The following TXLNB variants were observed in gnomAD, a reference collection of about 807,000 sequenced individuals.
TXLNB encodes taxilin beta.
Under a neutral mutation model 57.4 loss-of-function variants are expected in TXLNB, and 37 were observed. The observed-to-expected ratio is 0.64, with a 90% confidence interval of 0.50 to 0.85. The LOEUF is 0.85. TXLNB is among the 40% of genes least tolerant of loss of function. TXLNB has a pLI of 0.00. For synonymous variants in TXLNB, 302 were observed against 309.6 expected (o/e 0.98, Z 0.26); for missense variants, 848 against 825.6 (o/e 1.03, Z -0.33).
Position 139,260,441 on chromosome 6 carries a change from A to G in TXLNB, c.883-4T>C. 1.2e-6 allele frequency: 2 copies of G among 1,612,602 alleles called. No homozygotes were observed. Among genetic ancestry groups the G allele is most frequent in the Non-Finnish European group, 1.7e-6 (2 of 1,179,654 alleles). On this transcript the variant is annotated splice_polypyrimidine_tract_variant and splice_region_variant and intron_variant, in intron 5 of 9. Transcript: ENST00000358430. ...GTTTAAATATTTTGTCCAGATGCTAAGAAAAATAAAGTGTACATAGAAAGC... is the reference window on the plus strand; with the variant it reads ...GTTTAAATATTTTGTCCAGATGCTAGGAAAAATAAAGTGTACATAGAAAGC...
chr6:139,299,250 C>T, the TXLNB span, among the ~76,000 whole-genome samples: 22 of 152,142 alleles, frequency 1.4e-4, 1 homozygote, highest in Non-Finnish European at 7.3e-5. Flanking sequence ...GAATATTCAA[C>T]AACCCTGGGA....
the TXLNB span, among the ~76,000 whole-genome samples, chr6:139,196,105 G>T: frequency 2.8e-4 from 42 of 152,002 alleles, no homozygotes; most frequent in African/African-American, 1.0e-3. Context: ...GGGAGGAAAG[G>T]GTGAGATAAG....
In TXLNB at chr6:139,242,698, G is replaced by A. The variant is rs746087786; in HGVS notation, c.1883C>T (p.Ala628Val). 15 of 1,611,382 alleles carry A rather than the reference G, an allele frequency of 9.3e-6. No homozygotes were observed. The highest frequency in any genetic ancestry group is 2.2e-5 in the East Asian group (1 of 44,870). ...PTEASLQKMEADVPAPACAAE... is the reference protein window; with the variant it reads ...PTEASLQKMEVDVPAPACAAE... ...TGCGCATGCTGGAGCAGGCACATCT[G>A]CCTCCATCTTCTGTAGGGAGGCCTC... Residue 628 changes from alanine (A) to valine (V), a missense_variant, in exon 10 of 10, where the codon GCA becomes GTA. Physicochemically the swap from Ala to Val is moderately conservative, Grantham distance 64. Transcript: ENST00000358430.
chr6:139,270,200 C>A (rs1776722193), intron 4 of TXLNB, among the ~76,000 whole-genome samples: 1 of 152,092 alleles, frequency 6.6e-6, no homozygotes, highest in Non-Finnish European at 1.5e-5. Context: ...AGGTACTGTG[C>A]GGGTACCTTA....
chr6:139,161,014 C>T, the TXLNB span, among the ~76,000 whole-genome samples: 1 of 152,228 alleles, frequency 6.6e-6, no homozygotes, highest in Admixed American at 6.5e-5. Context: ...TTCCCTGCTG[C>T]TTTTCCAGTT....
chr6:139,232,501 C>T, the TXLNB span, among the ~76,000 whole-genome samples: 1 of 152,192 alleles, frequency 6.6e-6, no homozygotes, highest in Non-Finnish European at 1.5e-5. Context: ...CGCACTAGTT[C>T]TATAAACTTG....
At chr6:139,214,016 C>G in the TXLNB span, among the ~76,000 whole-genome samples, 48 of 152,164 alleles carry the variant, frequency 3.2e-4, no homozygotes, top group African/African-American at 1.1e-3. Flanking sequence ...AGTCCAGGAT[C>G]AGATGGATTC....
chr6:139,213,546 C>A, the TXLNB span, among the ~76,000 whole-genome samples: 2 of 151,950 alleles, frequency 1.3e-5, no homozygotes, highest in East Asian at 3.9e-4. Flanking sequence ...AAATTGACAC[C>A]CTAACATCAC....
chr6:139,215,147 CA>C, the TXLNB span, among the ~76,000 whole-genome samples: 1 of 151,376 alleles, frequency 6.6e-6, no homozygotes, highest in African/African-American at 2.4e-5. Context: ...CATATGGAAC[CA>C]AAAAAAAGCC....
chr6:139,180,181 G>C, the TXLNB span: 4 of 152,176 alleles, frequency 2.6e-5, no homozygotes, highest in African/African-American at 9.7e-5. Context: ...TTTTGTTCAA[G>C]AAGTTCATTT....
the TXLNB span, among the ~76,000 whole-genome samples, chr6:139,317,422 C>T: frequency 7.4e-5 from 11 of 149,340 alleles, no homozygotes; most frequent in Non-Finnish European, 1.5e-4. Flanking sequence ...TTTATTGAAA[C>T]GGAGTCTCGC....
chr6:139,293,184 C>T (rs181068795), upstream of TXLNB, among the ~76,000 whole-genome samples: 5 of 152,080 alleles, frequency 3.3e-5, no homozygotes, highest in Non-Finnish European at 4.4e-5. Flanking sequence ...TGCAACCTCC[C>T]GGGTTCAAGC....
At chr6:139,306,310 T>C in the TXLNB span, among the ~76,000 whole-genome samples, 1 of 152,198 alleles carries the variant, frequency 6.6e-6, no homozygotes, top group Admixed American at 6.5e-5. Context: ...CAGAAAGTAC[T>C]AGAGACAGAG....
chr6:139,170,109 G>A, the TXLNB span: 5 of 152,140 alleles, frequency 3.3e-5, no homozygotes, highest in Admixed American at 2.0e-4. Context: ...CTGTTTGGGG[G>A]TAATTTTAGA....
intron 7 of TXLNB, among the ~76,000 whole-genome samples, chr6:139,255,148 T>C (rs1776303776): frequency 6.6e-6 from 1 of 152,162 alleles, no homozygotes; most frequent in Admixed American, 6.5e-5. Flanking sequence ...ATAAATAATA[T>C]CAAGACATGA....
chr6:139,262,544 A>G, intron 5 of TXLNB, 35 bp downstream of exon 5: 2 of 1,563,734 alleles, frequency 1.3e-6, no homozygotes, highest in South Asian at 1.2e-5. Context: ...ATCCGGATCT[A>G]TGTACTGTTC....
upstream of TXLNB, among the ~76,000 whole-genome samples, chr6:139,293,880 A>G (rs1347512295): frequency 6.6e-6 from 1 of 152,210 alleles, no homozygotes; most frequent in African/African-American, 2.4e-5. Flanking sequence ...AAATTAATGA[A>G]TACTTGGTGA....
At chr6:139,260,135 G>A (rs897812336) in intron 6 of TXLNB, among the ~76,000 whole-genome samples, 183 bp downstream of exon 6, 7 of 152,204 alleles carry the variant, frequency 4.6e-5, no homozygotes, top group Non-Finnish European at 1.0e-4. Context: ...CAGGAGAATC[G>A]CTGGAATCCT....
At chr6:139,244,301 C>A (rs1225977898) in intron 9 of TXLNB, among the ~76,000 whole-genome samples, 1 of 152,180 alleles carries the variant, frequency 6.6e-6, no homozygotes, top group Non-Finnish European at 1.5e-5. Context: ...ACTCATCCTA[C>A]CTTTAAGGAA....
Sources: gnomAD v4.1 joint callset for allele counts (sites outside exome capture counted in the v4.1 genomes callset) on GRCh38, gnomAD v4.1.1 for gene constraint, MANE v1.5 for transcripts, NCBI Gene and HGNC (gene_info 2026-07-23, HGNC 2026-07-21) for gene names.